The following SAMMSON variants were observed in gnomAD, a reference collection of about 807,000 sequenced individuals.
SAMMSON encodes the protein long intergenic non-protein coding RNA 1212.
chr3:70,103,216 TG>T (rs1348872769), intron 4 of SAMMSON, among the ~76,000 whole-genome samples: 1 of 152,190 alleles, frequency 6.6e-6, no homozygotes, highest in Non-Finnish European at 1.5e-5. Flanking sequence ...TCTGGATTTT[TG>T]TATGAAATCT....
intron 2 of SAMMSON, among the ~76,000 whole-genome samples, chr3:70,428,460 G>C (rs1701389278): frequency 6.6e-6 from 1 of 152,138 alleles, no homozygotes; most frequent in Non-Finnish European, 1.5e-5. Flanking sequence ...TCTGATAACG[G>C]AGCAAAGACA....
chr3:70,092,303 A>G (rs189485957), intron 4 of SAMMSON, among the ~76,000 whole-genome samples: 2 of 152,190 alleles, frequency 1.3e-5, no homozygotes, highest in African/African-American at 2.4e-5. Flanking sequence ...ATTCATGGGT[A>G]TATGAGAATA....
At chr3:70,253,790 T>G (rs544374003) in intron 6 of SAMMSON, among the ~76,000 whole-genome samples, 1 of 152,276 alleles carries the variant, frequency 6.6e-6, no homozygotes, top group African/African-American at 2.4e-5. Flanking sequence ...TGAACATAAA[T>G]ACTCAATAAG....
intron 4 of SAMMSON, among the ~76,000 whole-genome samples, chr3:70,171,889 A>G (rs1354426401): frequency 2.6e-5 from 4 of 151,904 alleles, no homozygotes; most frequent in African/African-American, 7.2e-5. Context: ...GAGGTATAGA[A>G]TTCAGCTGAA....
At chr3:70,310,469 G>A (rs1043138673) in intron 7 of SAMMSON, among the ~76,000 whole-genome samples, 1 of 151,894 alleles carries the variant, frequency 6.6e-6, no homozygotes, top group South Asian at 2.1e-4. Flanking sequence ...CAGTTCAAGC[G>A]ATTATCCTGC....
intron 4 of SAMMSON, among the ~76,000 whole-genome samples, chr3:70,113,309 A>G (rs2067397228): frequency 1.3e-5 from 2 of 152,158 alleles, no homozygotes; most frequent in South Asian, 4.1e-4. Context: ...TTTCCATGTT[A>G]TTAGGCCATT....
At chr3:70,400,137 T>C (rs1309823476) in intron 2 of SAMMSON, among the ~76,000 whole-genome samples, 1 of 152,158 alleles carries the variant, frequency 6.6e-6, no homozygotes, top group East Asian at 1.9e-4. Context: ...AATTTTCTGT[T>C]AAAATACATG....
chr3:70,416,253 A>G (rs1575644882), intron 2 of SAMMSON, among the ~76,000 whole-genome samples: 1 of 152,200 alleles, frequency 6.6e-6, no homozygotes, highest in East Asian at 1.9e-4. Flanking sequence ...GCTTTTTCTT[A>G]TGAAATAGCT....
At position 70,103,365 on chromosome 3, in the gene SAMMSON, T is replaced by A. The variant is rs114934755; in HGVS notation, n.507+31800T>A. On this transcript the variant is annotated intron_variant and non_coding_transcript_variant, in intron 4 of 9. Coordinates refer to ENST00000642114, the Ensembl canonical transcript of SAMMSON. ...AAGAAACGAAGGCTATGGCAATGTT[T>A]CCCAGTTTACATAAGTTACCTGCAT... 7.3e-3 allele frequency among the ~76,000 whole-genome samples: 1,117 copies of A among 152,294 alleles called. 16 individuals carry two copies. Among genetic ancestry groups the A allele is most frequent in the African/African-American group, 0.026 (1,064 of 41,566 alleles).
At chr3:70,061,161 G>T (rs2067186972) in intron 3 of SAMMSON, among the ~76,000 whole-genome samples, 1 of 152,098 alleles carries the variant, frequency 6.6e-6, no homozygotes, top group African/African-American at 2.4e-5. Context: ...ATGAGTAATA[G>T]ACAAGGCAGG....
intron 4 of SAMMSON, among the ~76,000 whole-genome samples, chr3:70,087,185 A>G (rs1452902054): frequency 6.6e-6 from 1 of 152,168 alleles, no homozygotes; most frequent in East Asian, 1.9e-4. Context: ...CATAGTGGCC[A>G]ATGGTTAAAG....
intron 9 of SAMMSON, among the ~76,000 whole-genome samples, chr3:70,380,072 A>G (rs955341941): frequency 1.3e-5 from 2 of 152,276 alleles, no homozygotes; most frequent in Admixed American, 6.5e-5. Flanking sequence ...TTAAATGAAA[A>G]TAAATACATT....
In SAMMSON at chr3:70,261,024, A is replaced by G. The variant is rs116115309; in HGVS notation, n.674+11354A>G. 6.0e-3 allele frequency among the ~76,000 whole-genome samples: 921 copies of G among 152,286 alleles called. 8 individuals carry two copies. Among genetic ancestry groups the G allele is most frequent in the African/African-American group, 0.021 (885 of 41,544 alleles). On this transcript the variant is annotated intron_variant and non_coding_transcript_variant, in intron 6 of 9. Coordinates refer to ENST00000642114, the Ensembl canonical transcript of SAMMSON. Reference sequence around the variant, plus strand: ...CTTGAAAAATTCCGCTTGACATGAAACAGACCTTGCACAAATTATTCAAAC... The same window carrying G: ...CTTGAAAAATTCCGCTTGACATGAAGCAGACCTTGCACAAATTATTCAAAC...
At chr3:70,173,115 C>A (rs976875706) in intron 4 of SAMMSON, among the ~76,000 whole-genome samples, 1 of 151,920 alleles carries the variant, frequency 6.6e-6, no homozygotes, top group Non-Finnish European at 1.5e-5. Context: ...AAGCCCACTA[C>A]ATTTTTCTTC....
intron 3 of SAMMSON, among the ~76,000 whole-genome samples, chr3:70,029,191 A>G (rs1321999468): frequency 6.6e-6 from 1 of 152,228 alleles, no homozygotes; most frequent in Non-Finnish European, 1.5e-5. Flanking sequence ...GGTTTTTATC[A>G]GAATAATACA....
chr3:70,112,768 G>A (rs543555408), intron 4 of SAMMSON, among the ~76,000 whole-genome samples: 15 of 152,070 alleles, frequency 9.9e-5, no homozygotes, highest in African/African-American at 2.2e-4. Flanking sequence ...ATTTAAATTC[G>A]TTTTCAAAAA....
intron 4 of SAMMSON, among the ~76,000 whole-genome samples, chr3:70,196,115 C>G (rs1701176823): frequency 6.6e-6 from 1 of 152,018 alleles, no homozygotes; most frequent in Non-Finnish European, 1.5e-5. Context: ...TTGTACCTGA[C>G]AAATAAAAAT....
intron 3 of SAMMSON, among the ~76,000 whole-genome samples, chr3:70,054,704 C>A (rs1425086405): frequency 6.6e-6 from 1 of 152,096 alleles, no homozygotes; most frequent in Non-Finnish European, 1.5e-5. Flanking sequence ...AAGAGCCAGG[C>A]AGGCAATGTT....
chr3:70,064,560 A>G (rs1021628941), intron 3 of SAMMSON, among the ~76,000 whole-genome samples: 5 of 152,146 alleles, frequency 3.3e-5, no homozygotes, highest in African/African-American at 9.6e-5. Context: ...ACTGCCTAGC[A>G]TAATGAGCTG....
Sources: gnomAD v4.1 joint callset for allele counts (sites outside exome capture counted in the v4.1 genomes callset) on GRCh38, gnomAD v4.1.1 for gene constraint, MANE v1.5 for transcripts, NCBI Gene and HGNC (gene_info 2026-07-23, HGNC 2026-07-21) for gene names.